Variants in ADGRL2 observed in about 807,000 individuals in gnomAD.
The protein encoded by ADGRL2 is calcium-independent alpha-latrotoxin receptor 2.
In ADGRL2, 44 loss-of-function variants were observed where a neutral mutation model predicts 157.4. The ratio of observed to expected loss-of-function variants is 0.28; its 90% CI spans 0.22 to 0.36. ADGRL2 has a LOEUF of 0.36. ADGRL2 is among the 10% of genes least tolerant of loss of function. ADGRL2 has a pLI of 1.00. For synonymous variants in ADGRL2, 585 were observed against 624.7 expected (o/e 0.94, Z 0.95); for missense variants, 1,510 against 1,768.9 (o/e 0.85, Z 2.63).
intron 3 of ADGRL2, among the ~76,000 whole-genome samples, chr1:81,659,534 T>A (rs763603252): frequency 1.3e-5 from 2 of 152,186 alleles, no homozygotes; most frequent in Non-Finnish European, 2.9e-5. Flanking sequence ...GAAAACCCAG[T>A]CAAAATAACT....
chr1:81,727,075 C>T (rs17107016), intron 1 of ADGRL2, among the ~76,000 whole-genome samples: 15,035 of 152,178 alleles, frequency 0.099, 805 homozygotes, highest in South Asian at 0.14. Context: ...CTACAATGTT[C>T]TCCTTTAACT....
chr1:81,640,766 A>G (rs1226081946), intron 3 of ADGRL2, among the ~76,000 whole-genome samples: 2 of 152,196 alleles, frequency 1.3e-5, no homozygotes, highest in Non-Finnish European at 2.9e-5. Context: ...AAAGTTCCAC[A>G]TTACCAGACC....
intron 3 of ADGRL2, among the ~76,000 whole-genome samples, chr1:81,915,964 T>A (rs1051566968): frequency 3.3e-5 from 5 of 152,178 alleles, no homozygotes; most frequent in African/African-American, 1.2e-4. Flanking sequence ...GGTGTCTATA[T>A]CATCACATAC....
At chr1:81,373,542 A>G (rs2076195898) in intron 1 of ADGRL2, among the ~76,000 whole-genome samples, 1 of 152,216 alleles carries the variant, frequency 6.6e-6, no homozygotes, top group Non-Finnish European at 1.5e-5. Context: ...TCCCTTAGTG[A>G]TGCTACTTAC....
At chr1:81,712,844 CCTCCACCTCCCGGGTTCAAG>C (rs1197756444) in intron 1 of ADGRL2, among the ~76,000 whole-genome samples, 89 of 149,416 alleles carry the variant, frequency 6.0e-4, no homozygotes, top group African/African-American at 2.1e-3. Flanking sequence ...CTCACTGCAG[CCTCCACCTCCCGGGTTCAAG>C]TGATTCTCCT....
intron 1 of ADGRL2, among the ~76,000 whole-genome samples, chr1:81,390,155 A>G (rs1436140486): frequency 1.3e-5 from 2 of 152,300 alleles, no homozygotes; most frequent in Non-Finnish European, 1.5e-5. Flanking sequence ...TAAGGCAACC[A>G]GAAGAGTCCT....
intron 2 of ADGRL2, among the ~76,000 whole-genome samples, chr1:81,786,031 G>T (rs2087029243): frequency 1.3e-5 from 2 of 152,132 alleles, no homozygotes; most frequent in Non-Finnish European, 2.9e-5. Flanking sequence ...TTGAGCCTGG[G>T]AGGTGGAGGC....
intron 1 of ADGRL2, among the ~76,000 whole-genome samples, chr1:81,438,388 C>A (rs1365514235): frequency 6.6e-6 from 1 of 152,138 alleles, no homozygotes; most frequent in Non-Finnish European, 1.5e-5. Flanking sequence ...ACATTCATCA[C>A]TTCCTAATTA....
chr1:81,620,389 G>C (rs934564311), intron 3 of ADGRL2, among the ~76,000 whole-genome samples: 26 of 152,146 alleles, frequency 1.7e-4, no homozygotes, highest in African/African-American at 6.3e-4. Flanking sequence ...TATTATTTAG[G>C]TTTAGGTCAA....
At chr1:81,430,949 CAA>C (rs1315109265) in intron 1 of ADGRL2, among the ~76,000 whole-genome samples, 2 of 152,184 alleles carry the variant, frequency 1.3e-5, no homozygotes, top group African/African-American at 4.8e-5. Context: ...CTGTGCTCCC[CAA>C]ATTCACATTC....
At chr1:81,578,675 T>C (rs540766333) in intron 2 of ADGRL2, among the ~76,000 whole-genome samples, 6 of 152,176 alleles carry the variant, frequency 3.9e-5, no homozygotes, top group South Asian at 4.1e-4. Context: ...TTTAAAAAAA[T>C]TTTTTTGAGC....
At chr1:81,976,690 G>A (rs1205722324) in intron 17 of ADGRL2, among the ~76,000 whole-genome samples, 3 of 151,852 alleles carry the variant, frequency 2.0e-5, no homozygotes, top group African/African-American at 7.2e-5. Flanking sequence ...ACATAAACAG[G>A]TTTAGAAAAA....
intron 1 of ADGRL2, among the ~76,000 whole-genome samples, chr1:81,715,512 T>C (rs2084084700): frequency 6.6e-6 from 1 of 152,152 alleles, no homozygotes; most frequent in South Asian, 2.1e-4. Flanking sequence ...TTTAAAATCA[T>C]CCTTATGAAT....
At chr1:81,830,148 G>T (rs1026473264) in intron 1 of ADGRL2, among the ~76,000 whole-genome samples, 4 of 152,080 alleles carry the variant, frequency 2.6e-5, no homozygotes, top group Non-Finnish European at 5.9e-5. Flanking sequence ...ATTTCTTGAA[G>T]GTGGCAGCTA....
chr1:81,366,147 C>T (rs1162595892), intron 1 of ADGRL2, among the ~76,000 whole-genome samples: 1 of 151,988 alleles, frequency 6.6e-6, no homozygotes, highest in Non-Finnish European at 1.5e-5. Context: ...GTAGCTCTTT[C>T]AGTGATGAAT....
At chr1:81,803,243 A>C (rs1035281549) in intron 1 of ADGRL2, among the ~76,000 whole-genome samples, 14 of 151,810 alleles carry the variant, frequency 9.2e-5, no homozygotes, top group Admixed American at 7.9e-4. Context: ...GGCTGGGGCG[A>C]CCCTCAGGCA....
chr1:81,456,100 C>A (rs1022483572), intron 2 of ADGRL2, among the ~76,000 whole-genome samples: 2 of 152,156 alleles, frequency 1.3e-5, no homozygotes, highest in Non-Finnish European at 2.9e-5. Context: ...TGCACTCTTA[C>A]AATTTATTGC....
intron 3 of ADGRL2, among the ~76,000 whole-genome samples, chr1:81,918,013 T>C (rs2094897543): frequency 6.6e-6 from 1 of 152,216 alleles, no homozygotes; most frequent in Admixed American, 6.5e-5. Flanking sequence ...TTTCATTCTC[T>C]GACTTTTCTG....
intron 2 of ADGRL2, among the ~76,000 whole-genome samples, chr1:81,476,188 AG>A (rs1182489891): frequency 6.6e-6 from 1 of 152,200 alleles, no homozygotes; most frequent in Non-Finnish European, 1.5e-5. Flanking sequence ...AAAGAAAAAA[AG>A]GAAAGAAAGG....
Sources: gnomAD v4.1 joint callset for allele counts (sites outside exome capture counted in the v4.1 genomes callset) on GRCh38, gnomAD v4.1.1 for gene constraint, MANE v1.5 for transcripts, NCBI Gene and HGNC (gene_info 2026-07-23, HGNC 2026-07-21) for gene names.